ANK2: variants seen among roughly 807,000 people sequenced by gnomAD.
ANK2 encodes ankyrin-2.
In ANK2, 83 loss-of-function variants were observed where a neutral mutation model predicts 360.5. The observed-to-expected ratio is 0.23, with a 90% CI of 0.19 to 0.28. ANK2 has a LOEUF of 0.28. ANK2 is among the 10% of genes least tolerant of loss of function. The pLI, the probability that ANK2 is intolerant of heterozygous loss-of-function variation, is 1.00. For synonymous variants in ANK2, 1,740 were observed against 1,759.5 expected (o/e 0.99, Z 0.28); for missense variants, 4,201 against 4,795.7 (o/e 0.88, Z 3.66).
chr4:112,976,198 ATT>A (rs568340736), intron 2 of ANK2, among the ~76,000 whole-genome samples: 6 of 144,420 alleles, frequency 4.2e-5, no homozygotes, highest in Admixed American at 6.9e-5. Flanking sequence ...TGGCTGTGGA[ATT>A]TTTTTTTTTT....
intron 9 of ANK2, among the ~76,000 whole-genome samples, chr4:113,244,056 A>G (rs2041493409): frequency 6.6e-6 from 1 of 152,254 alleles, no homozygotes; most frequent in Non-Finnish European, 1.5e-5. Flanking sequence ...CTCCAAATAG[A>G]CAGTGTATCT....
At position 112,850,504 on chromosome 4, in the gene ANK2, C is replaced by CTTTTTTTTTTTTTTTTTTTTT. The variant is rs60510554; in HGVS notation, c.-40+32250_-40+32270dup. ...TTTTTTTAACATTTCCTGTGCTAGT[C>CTTTTTTTTTTTTTTTTTTTTT]TTTTTTTTTTTTTTTTTTTTTTTTT... is the stretch of plus-strand genomic sequence containing the variant. On this transcript the variant is annotated intron_variant, in intron 1 of 30. Transcript: ENST00000503271. Among the ~76,000 whole-genome samples, 6 of 5,820 alleles carry CTTTTTTTTTTTTTTTTTTTTT rather than the reference C, an allele frequency of 1.0e-3. 1 individual carries two copies. Among genetic ancestry groups the CTTTTTTTTTTTTTTTTTTTTT allele is most frequent in the Non-Finnish European group, 1.5e-3 (5 of 3,408 alleles). 3.8% of individuals were successfully genotyped at this position (5,820 alleles called of 152,430 possible).
intron 2 of ANK2, among the ~76,000 whole-genome samples, chr4:112,959,869 T>C (rs2033777550): frequency 6.6e-6 from 1 of 152,184 alleles, no homozygotes; most frequent in African/African-American, 2.4e-5. Flanking sequence ...TTTGAGAAAC[T>C]CCCTTCTTGA....
At chr4:112,865,199 T>G (rs2070015182) in intron 1 of ANK2, among the ~76,000 whole-genome samples, 1 of 152,110 alleles carries the variant, frequency 6.6e-6, no homozygotes, top group South Asian at 2.1e-4. Context: ...AAACTCTGGT[T>G]TAGCATTAGA....
At chr4:112,724,209 C>G in the ANK2 span, among the ~76,000 whole-genome samples, 1 of 151,774 alleles carries the variant, frequency 6.6e-6, no homozygotes, top group African/African-American at 2.4e-5. Flanking sequence ...GGACTACAGG[C>G]GCATGCCACC....
chr4:113,144,551 C>T (rs1181753949), intron 1 of ANK2, among the ~76,000 whole-genome samples: 2 of 151,642 alleles, frequency 1.3e-5, no homozygotes, highest in Admixed American at 6.6e-5. Flanking sequence ...CAAATAATTG[C>T]TTCCAATTCA....
chr4:113,031,097 A>T (rs1477210167), intron 2 of ANK2, among the ~76,000 whole-genome samples: 1 of 152,012 alleles, frequency 6.6e-6, no homozygotes, highest in East Asian at 1.9e-4. Context: ...TTGCTTGAAA[A>T]ATACTTAACA....
chr4:113,219,833 G>T (rs182326395), intron 4 of ANK2, among the ~76,000 whole-genome samples: 3 of 152,160 alleles, frequency 2.0e-5, no homozygotes, highest in East Asian at 3.9e-4. Context: ...AATGGCAGTG[G>T]TACAAACTAT....
intron 2 of ANK2, among the ~76,000 whole-genome samples, chr4:112,959,579 A>G (rs1173619085): frequency 6.6e-6 from 1 of 152,212 alleles, no homozygotes; most frequent in Non-Finnish European, 1.5e-5. Context: ...TAGGTATATA[A>G]TATAATAGTT....
At chr4:112,788,684 C>T in the ANK2 span, 3 of 1,599,434 alleles carry the variant, frequency 1.9e-6, no homozygotes, top group African/African-American at 1.3e-5. Flanking sequence ...TGGCTCTCTG[C>T]TGCTGCAACC....
At chr4:113,079,331 A>G (rs1420765014) in intron 1 of ANK2, among the ~76,000 whole-genome samples, 2 of 152,046 alleles carry the variant, frequency 1.3e-5, no homozygotes, top group African/African-American at 4.8e-5. Context: ...ACTGGGAGCA[A>G]TTTTCAGTGT....
intron 29 of ANK2, among the ~76,000 whole-genome samples, chr4:113,334,974 CT>C (rs2093293074): frequency 1.3e-5 from 2 of 152,002 alleles, no homozygotes; most frequent in Admixed American, 1.3e-4. Flanking sequence ...TTTACTTTTA[CT>C]ATCTAGCTAT....
intron 2 of ANK2, among the ~76,000 whole-genome samples, chr4:113,183,996 G>A (rs2098465962): frequency 6.6e-6 from 1 of 150,544 alleles, no homozygotes; most frequent in South Asian, 2.1e-4. Flanking sequence ...GCAAAATAGA[G>A]CTCCCCCAAG....
chr4:113,149,866 C>A lies in ANK2; in HGVS notation c.85-24550C>A, dbSNP rs551835521. 3.1e-5 allele frequency among the ~76,000 whole-genome samples: 3 copies of A among 96,084 alleles called. No homozygotes were observed. In the South Asian group the frequency reaches 1.0e-3, roughly 33 times the overall value. 63.0% of individuals were successfully genotyped at this position (96,084 alleles called of 152,430 possible). Reference sequence around the variant, plus strand: ...CACTCCAGCTTGCGTGAGAGTGAGACCCTGCCTCAAAAAAAAAAAAAAAAA... The same window carrying A: ...CACTCCAGCTTGCGTGAGAGTGAGAACCTGCCTCAAAAAAAAAAAAAAAAA... On this transcript the variant is annotated intron_variant, in intron 1 of 45. Coordinates refer to ENST00000357077, the MANE Select transcript of ANK2 (RefSeq NM_001148.6).
At chr4:113,086,413 A>C (rs1053183124) in intron 1 of ANK2, among the ~76,000 whole-genome samples, 5 of 152,174 alleles carry the variant, frequency 3.3e-5, no homozygotes, top group African/African-American at 1.2e-4. Context: ...TTTTTTTTAT[A>C]CAGTTGCAAC....
At chr4:112,810,125 GTATATATATATATATATA>G in the ANK2 span, among the ~76,000 whole-genome samples, 3 of 68,124 alleles carry the variant, frequency 4.4e-5, no homozygotes, top group Non-Finnish European at 8.3e-5. Flanking sequence ...AATTTTTTGT[GTATATATATATATATATA>G]TATATATATA....
intron 2 of ANK2, among the ~76,000 whole-genome samples, chr4:112,948,124 G>T (rs898371740): frequency 3.3e-5 from 5 of 152,070 alleles, no homozygotes; most frequent in Non-Finnish European, 7.4e-5. Context: ...AAAGATGGGA[G>T]ATGGACAAAA....
At chr4:112,791,476 C>CTTTTTTTTTT in the ANK2 span, among the ~76,000 whole-genome samples, 3 of 98,276 alleles carry the variant, frequency 3.1e-5, no homozygotes, top group Non-Finnish European at 5.6e-5. Context: ...TCTTCTTCTT[C>CTTTTTTTTTT]TTCTTTTTTT....
chr4:112,746,148 A>G, the ANK2 span, among the ~76,000 whole-genome samples: 1 of 152,182 alleles, frequency 6.6e-6, no homozygotes, highest in African/African-American at 2.4e-5. Flanking sequence ...ATTTAGGATG[A>G]CAATTAAATT....
Sources: allele counts gnomAD v4.1 joint callset (sites outside exome capture counted in the v4.1 genomes callset), GRCh38; gene constraint gnomAD v4.1.1; transcripts MANE v1.5; gene names NCBI Gene and HGNC (gene_info 2026-07-23, HGNC 2026-07-21).